Variants in PAX4 observed in about 807,000 individuals in gnomAD.
PAX4 encodes the protein paired box 4, also known as paired box protein Pax-4.
In PAX4, 33 loss-of-function variants were observed where a neutral mutation model predicts 40.6. The ratio of observed to expected loss-of-function variants is 0.81; its 90% CI spans 0.62 to 1.09. The LOEUF is 1.09. Among genes scored for constraint, PAX4 ranks in the 50% least tolerant of loss-of-function variants. The pLI is 0.00. For synonymous variants in PAX4, 174 were observed against 170.6 expected (o/e 1.02, Z -0.16); for missense variants, 459 against 442.5 (o/e 1.04, Z -0.33).
rs996848805 is a variant in PAX4, at chr7:127,611,535, C to A, written c.913G>T (p.Gly305Cys). 1.9e-6 allele frequency: 3 copies of A among 1,613,722 alleles called. No homozygotes were observed. The highest frequency in any genetic ancestry group is 2.5e-6 in the Non-Finnish European group (3 of 1,179,852). ...ACTGAGGCCTGGCCTGAATTCTTAC[C>A]CCAGCAGGGCTTGAGACAGGCTTTA... Reference protein sequence around the residue: ...PPKACLKPCWGHLPPQPNSLD... With the variant: ...PPKACLKPCWCHLPPQPNSLD... The change falls in exon 11 of 12, where the codon GGC becomes TGC. Residue 305 changes from glycine (G) to cysteine (C), a missense_variant and splice_region_variant. Coordinates refer to ENST00000639438, the MANE Select transcript of PAX4 (RefSeq NM_001366110.1).
chr7:127,615,611 C>A lies in PAX4; in HGVS notation c.14-80G>T, dbSNP rs1247096910. 1.1e-5 allele frequency: 18 copies of A among 1,607,286 alleles called. No homozygotes were observed. In the South Asian group the frequency reaches 2.0e-4, roughly 18 times the overall value. On this transcript the variant is annotated intron_variant, in intron 3 of 11. Transcript: ENST00000639438. ...TGTGGAGAGGGTCACTCAGGCCCCT[C>A]CAGCCTGGCTTCCCACCACCGAGTG...
Position 127,615,360 on chromosome 7 carries a change from C to T in PAX4, c.144+41G>A, listed in dbSNP as rs377416034. 24 of 1,613,904 alleles carry T rather than the reference C, an allele frequency of 1.5e-5. No individual in the cohort carries two copies. The African/African-American group carries it at 2.5e-4, about 17-fold the overall frequency. On this transcript the variant is annotated intron_variant, in intron 4 of 11. Coordinates refer to ENST00000639438, the MANE Select transcript of PAX4 (RefSeq NM_001366110.1). ...CCTTCAGAGGAGCCCTTTCTCCCTG[C>T]TTCCTGTCCCCATCACTGGGTAAAG...
chr7:127,613,223 C>A, intron 8 of PAX4, 132 bp from the exon 9 acceptor site: 1 of 879,596 alleles, frequency 1.1e-6, no homozygotes. Context: ...CCTCCCTGCT[C>A]TAGCTTTTGC....
At chr7:127,617,552 G>A (rs1261348403) in intron 1 of PAX4, among the ~76,000 whole-genome samples, 152 bp from the exon 2 acceptor site, 1 of 152,118 alleles carries the variant, frequency 6.6e-6, no homozygotes, top group Non-Finnish European at 1.5e-5. Context: ...GGAGAATCAA[G>A]CAGGGACTGT....
chr7:127,614,188 G>T (rs1342499238), intron 6 of PAX4, among the ~76,000 whole-genome samples: 1 of 152,110 alleles, frequency 6.6e-6, no homozygotes, highest in Non-Finnish European at 1.5e-5. Context: ...GGGGCAGAGG[G>T]AGGGTATGAG....
intron 1 of PAX4, among the ~76,000 whole-genome samples, 185 bp downstream of exon 1, chr7:127,617,777 C>T (rs1356038335): frequency 1.3e-5 from 2 of 152,184 alleles, no homozygotes; most frequent in African/African-American, 4.8e-5. Context: ...ACATTCCCAA[C>T]ATTCATATTA....
chr7:127,615,945 C>T lies in PAX4; in HGVS notation c.-17G>A, dbSNP rs1334183696. On this transcript the variant is annotated 5_prime_UTR_variant, in exon 3 of 12. Coordinates refer to ENST00000639438, the MANE Select transcript of PAX4 (RefSeq NM_001366110.1). ...CTGATGCATGCTCCAGGCTGACCCT[C>T]CTCAGAAGGATGAGACTCCAGCTGG... The T allele has an allele frequency of 6.5e-7, 1 of 1,536,110 alleles. No homozygotes were observed. The highest frequency in any genetic ancestry group is 2.0e-5 in the Admixed American group (1 of 50,994).
At chr7:127,614,746 A>G in intron 5 of PAX4, 134 bp downstream of exon 5, 1 of 1,335,380 alleles carries the variant, frequency 7.5e-7, no homozygotes, top group Admixed American at 2.0e-5. Context: ...TTCAAAAGAA[A>G]AACTTATGGG....
chr7:127,615,159 G>A, intron 4 of PAX4, 64 bp from the exon 5 acceptor site: 1 of 1,612,442 alleles, frequency 6.2e-7, no homozygotes. Flanking sequence ...GAGTGTCCCT[G>A]GGACAGGAGG....
chr7:127,614,021 A>G, intron 6 of PAX4, 140 bp from the exon 7 acceptor site: 1 of 966,520 alleles, frequency 1.0e-6, no homozygotes, highest in Non-Finnish European at 1.6e-6. Flanking sequence ...ATTCATAGTT[A>G]TTAGAGGTCA....
At position 127,611,474 on chromosome 7, in the gene PAX4, A is replaced by C. The variant is rs542124872; in HGVS notation, c.913+61T>G. The C allele has an allele frequency of 6.1e-5, 99 of 1,611,104 alleles. No individual in the cohort carries two copies. The East Asian group carries it at 1.6e-3, about 25-fold the overall frequency. ...CCAATGGAGATCCATGCCCTCCTGG[A>C]GGTTGAGTCAGTCGACCCTCCCTAC... On this transcript the variant is annotated intron_variant, in intron 11 of 11. Coordinates refer to ENST00000639438, the MANE Select transcript of PAX4 (RefSeq NM_001366110.1).
rs1015878855 is a variant in PAX4 at position 127,614,861 on chromosome 7, G to A, written c.360+19C>T. 1.9e-6 allele frequency: 3 copies of A among 1,612,412 alleles called. No homozygotes were observed. Among genetic ancestry groups the A allele is most frequent in the African/African-American group, 2.7e-5 (2 of 74,870 alleles). ...AAGCCTCTTTTCCAGCCCCAGTGTG[G>A]GGAGGGAAGGGTACTTACACTGGGA... On this transcript the variant is annotated intron_variant, in intron 5 of 11. Transcript: ENST00000639438.
Position 127,614,983 on chromosome 7 carries a change from G to A in PAX4, c.257C>T (p.Ala86Val). The change falls in exon 5 of 12, where the codon GCT (alanine) becomes GTT (valine). Residue 86 changes from alanine to valine, a missense_variant. Ala to Val is a moderately conservative substitution (Grantham distance 64, BLOSUM62 0). Coordinates refer to ENST00000639438, the MANE Select transcript of PAX4 (RefSeq NM_001366110.1). ...KPRLATPPVV[A>V]RIAQLKGECP... ...CTCACCCTTCAGCTGGGCAATTCGA[G>A]CCACCACAGGGGGTGTAGCCAGCCG... The A allele has an allele frequency of 6.2e-7, 1 of 1,614,162 alleles. No individual in the cohort carries two copies. The highest frequency in any genetic ancestry group is 8.5e-7 in the Non-Finnish European group (1 of 1,180,032).
rs535717062 is a variant in PAX4 at position 127,611,999 on chromosome 7, A to T, written c.717T>A (p.Gly239=). 2 of 1,613,972 alleles carry T rather than the reference A, an allele frequency of 1.2e-6. No homozygotes were observed. The highest frequency in any genetic ancestry group is 1.3e-5 in the African/African-American group (1 of 75,048). The change falls in exon 10 of 12, where the codon GGT becomes GGA. Residue 239 remains glycine, a splice_region_variant and synonymous_variant. Transcript: ENST00000639438. ...TTGGTACAGTCAGCCCCTGGGAAGCACCTATAAAATGAGAGTGAATCCACT... is the reference window on the plus strand; with the variant it reads ...TTGGTACAGTCAGCCCCTGGGAAGCTCCTATAAAATGAGAGTGAATCCACT... ...EKLKWEMQLP[G]ASQGLTVPRV...
In PAX4 at chr7:127,615,901, C is replaced by T. The variant is rs1253009383; in HGVS notation, c.13+15G>A. 1 of 1,535,988 alleles carries T rather than the reference C, an allele frequency of 6.5e-7. No individual in the cohort carries two copies. Among genetic ancestry groups the T allele is most frequent in the East Asian group, 2.4e-5 (1 of 40,910 alleles). ...GTTGTCCTCCCTGTCTTCCCACTTC[C>T]CCCAGGCTCCTCACCGTCCTGATGC... On this transcript the variant is annotated intron_variant, in intron 3 of 11. Coordinates refer to ENST00000639438, the MANE Select transcript of PAX4 (RefSeq NM_001366110.1).
In PAX4 at chr7:127,615,538, G is replaced by A. The variant is rs377581770; in HGVS notation, c.14-7C>T. ...TGGTTCATGCTGCTGATCCCTGGGCGTGAGACAGAGGTATCCACACACCAC... is the reference window on the plus strand; with the variant it reads ...TGGTTCATGCTGCTGATCCCTGGGCATGAGACAGAGGTATCCACACACCAC... On this transcript the variant is annotated splice_polypyrimidine_tract_variant and splice_region_variant and intron_variant, in intron 3 of 11. Coordinates refer to ENST00000639438, the MANE Select transcript of PAX4 (RefSeq NM_001366110.1). The A allele has an allele frequency of 1.4e-5, 22 of 1,613,754 alleles. No homozygotes were observed. The highest frequency in any genetic ancestry group is 1.6e-5 in the Non-Finnish European group (19 of 1,179,938).
At chr7:127,612,565 G>A (rs188819594) in intron 9 of PAX4, among the ~76,000 whole-genome samples, 44 of 151,918 alleles carry the variant, frequency 2.9e-4, no homozygotes, top group Non-Finnish European at 8.8e-5. Context: ...CTGGCTGGCT[G>A]GATGGATGGA....
Position 127,614,940 on chromosome 7 carries a change from G to C in PAX4, c.300C>G (p.Ala100=). Reference sequence around the variant, plus strand: ...CACAAAGCTGGCGTTGGATTTCCCAGGCAAAGAGGGCTGGACACTCACCCT... The same window carrying C: ...CACAAAGCTGGCGTTGGATTTCCCACGCAAAGAGGGCTGGACACTCACCCT... ...QLKGECPALF[A]WEIQRQLCAE... The change falls in exon 5 of 12, where the codon GCC becomes GCG. Residue 100 remains alanine (A), a synonymous_variant. Transcript: ENST00000639438. 1 of 1,614,212 alleles carries C rather than the reference G, an allele frequency of 6.2e-7. No homozygotes were observed. Among genetic ancestry groups the C allele is most frequent in the East Asian group, 2.2e-5 (1 of 44,870 alleles).
chr7:127,612,137 G>T, intron 9 of PAX4, 137 bp from the exon 10 acceptor site: 1 of 807,480 alleles, frequency 1.2e-6, no homozygotes. Context: ...TGAAGAGATG[G>T]ATATTTTAAC....
Sources: gnomAD v4.1 joint callset for allele counts (sites outside exome capture counted in the v4.1 genomes callset) on GRCh38, gnomAD v4.1.1 for gene constraint, MANE v1.5 for transcripts, NCBI Gene and HGNC (gene_info 2026-07-23, HGNC 2026-07-21) for gene names.